PIEZO2: variants seen among roughly 807,000 people sequenced by gnomAD.
PIEZO2 encodes the protein piezo type mechanosensitive ion channel component 2.
In PIEZO2, 172 loss-of-function variants were observed where a neutral mutation model predicts 337.3. That is an observed-to-expected ratio of 0.51 (90% confidence interval 0.45 to 0.58). The LOEUF is 0.58. PIEZO2 is among the 20% of genes least tolerant of loss of function. The pLI is 0.00. For synonymous variants in PIEZO2, 1,251 were observed against 1,228.5 expected (o/e 1.02, Z -0.38); for missense variants, 3,028 against 3,391.3 (o/e 0.89, Z 2.66).
At chr18:10,776,270 C>G (rs976193077) in intron 18 of PIEZO2, among the ~76,000 whole-genome samples, 8 of 152,056 alleles carry the variant, frequency 5.3e-5, no homozygotes, top group Admixed American at 1.3e-4. Flanking sequence ...TTAGCTGAAA[C>G]AGTAGTGCCT....
chr18:10,926,020 T>C (rs1296029790), intron 3 of PIEZO2, among the ~76,000 whole-genome samples: 1 of 152,222 alleles, frequency 6.6e-6, no homozygotes, highest in Admixed American at 6.5e-5. Context: ...AAATATTAAT[T>C]CTTCATTTAA....
In PIEZO2 at chr18:10,912,208, A is replaced by G. The variant is rs537100338; in HGVS notation, c.287-980T>C. Among the ~76,000 whole-genome samples, 392 of 152,244 alleles carry G rather than the reference A, an allele frequency of 2.6e-3. 2 individuals carry two copies. The highest frequency in any genetic ancestry group is 8.1e-3 in the African/African-American group (335 of 41,568). On this transcript the variant is annotated intron_variant, in intron 3 of 55. Transcript: ENST00000674853. ...TTTTTCTATGTAATATTTCTTCCCTATGTCACAGGCATATAATAATTTTCT... is the reference window on the plus strand; with the variant it reads ...TTTTTCTATGTAATATTTCTTCCCTGTGTCACAGGCATATAATAATTTTCT...
At chr18:10,849,318 C>T (rs539691907) in intron 7 of PIEZO2, among the ~76,000 whole-genome samples, 1 of 152,308 alleles carries the variant, frequency 6.6e-6, no homozygotes, top group African/African-American at 2.4e-5. Context: ...GGCCCCTCTC[C>T]CAATCCAGAA....
chr18:10,688,686 A>G (rs1399839880), intron 49 of PIEZO2, among the ~76,000 whole-genome samples: 1 of 152,148 alleles, frequency 6.6e-6, no homozygotes, highest in Non-Finnish European at 1.5e-5. Context: ...ATTGTTAAAA[A>G]CATCTACTTT....
chr18:10,956,492 A>G (rs1378107152), intron 3 of PIEZO2, among the ~76,000 whole-genome samples: 2 of 152,160 alleles, frequency 1.3e-5, no homozygotes, highest in African/African-American at 4.8e-5. Context: ...CCCTCTCAAA[A>G]TTCCAATGTC....
intron 2 of PIEZO2, among the ~76,000 whole-genome samples, chr18:10,996,203 G>A (rs2035313989): frequency 6.6e-6 from 1 of 152,132 alleles, no homozygotes; most frequent in African/African-American, 2.4e-5. Context: ...CGTAGTGTTT[G>A]TTGCTTTCAC....
intron 36 of PIEZO2, among the ~76,000 whole-genome samples, chr18:10,728,980 A>C (rs1273154003): frequency 2.1e-5 from 3 of 143,568 alleles, no homozygotes; most frequent in African/African-American, 7.7e-5. Context: ...AAAAACAAAA[A>C]CCAATAAAGG....
intron 52 of PIEZO2, among the ~76,000 whole-genome samples, chr18:10,678,869 G>A (rs2034134110): frequency 6.6e-6 from 1 of 152,084 alleles, no homozygotes; most frequent in Non-Finnish European, 1.5e-5. Flanking sequence ...AAGGGGGTCA[G>A]GTAGGGCTTC....
At chr18:10,880,854 T>TC (rs2042394273) in intron 4 of PIEZO2, among the ~76,000 whole-genome samples, 1 of 16,678 alleles carries the variant, frequency 6.0e-5, no homozygotes, top group Non-Finnish European at 1.4e-4. Context: ...ATCATATATA[T>TC]ATATATATAT....
chr18:10,911,979 G>A (rs2030523094), intron 3 of PIEZO2, among the ~76,000 whole-genome samples: 1 of 152,112 alleles, frequency 6.6e-6, no homozygotes, highest in Admixed American at 6.5e-5. Context: ...AATCTGGAAA[G>A]CCAGGTGACA....
At position 10,682,888 on chromosome 18, in the gene PIEZO2, C is replaced by G. The variant is rs1211412803; in HGVS notation, c.7498-596G>C. On this transcript the variant is annotated intron_variant, in intron 49 of 55. Coordinates refer to ENST00000674853, the MANE Select transcript of PIEZO2 (RefSeq NM_001378183.1). This position sits in a 1 kb window ranked among gnomAD's most constrained non-coding sequence, Gnocchi z 5.6. Reference sequence around the variant, plus strand: ...GGCAGGTGCGTGTTGCAGGGGCTCACTCTCCTACAGGAGCCTGTGCACCAG... The same window carrying G: ...GGCAGGTGCGTGTTGCAGGGGCTCAGTCTCCTACAGGAGCCTGTGCACCAG... 6.6e-6 allele frequency among the ~76,000 whole-genome samples: 1 copy of G among 152,192 alleles called. No homozygotes were observed. The highest frequency in any genetic ancestry group is 2.4e-5 in the African/African-American group (1 of 41,456).
intron 1 of PIEZO2, among the ~76,000 whole-genome samples, chr18:11,121,698 A>C (rs894375606): frequency 3.9e-5 from 6 of 152,190 alleles, no homozygotes; most frequent in Admixed American, 3.9e-4. Flanking sequence ...ATTCCAAAAG[A>C]TTTCAGTCTG....
At chr18:10,805,441 A>G (rs541989939) in intron 8 of PIEZO2, among the ~76,000 whole-genome samples, 65 of 152,312 alleles carry the variant, frequency 4.3e-4, no homozygotes, top group African/African-American at 1.4e-3. Context: ...GCTTGAACCC[A>G]GGAGGCAGAG....
At position 10,846,017 on chromosome 18, in the gene PIEZO2, T is replaced by C. The variant is rs1186964424; in HGVS notation, c.917+9336A>G. Among the ~76,000 whole-genome samples the C allele has an allele frequency of 2.0e-5, 3 of 152,204 alleles. No homozygotes were observed. The highest frequency in any genetic ancestry group is 2.9e-5 in the Non-Finnish European group (2 of 68,038). Reference sequence around the variant, plus strand: ...AGGCAGTGGGAGTGCCGTGGGTGTATGAAGATTGATGATGACCTTTCTGGA... The same window carrying C: ...AGGCAGTGGGAGTGCCGTGGGTGTACGAAGATTGATGATGACCTTTCTGGA... On this transcript the variant is annotated intron_variant, in intron 7 of 55. Coordinates refer to ENST00000674853, the MANE Select transcript of PIEZO2 (RefSeq NM_001378183.1). The surrounding 1 kb of genome is among the most constrained non-coding windows in gnomAD (Gnocchi z 4.1).
chr18:11,045,842 A>C (rs1327700941), intron 2 of PIEZO2, among the ~76,000 whole-genome samples: 1 of 152,228 alleles, frequency 6.6e-6, no homozygotes, highest in African/African-American at 2.4e-5. Flanking sequence ...CCAACTAGAC[A>C]GTCCATTTCT....
chr18:10,812,572 G>A (rs905407252), intron 7 of PIEZO2, among the ~76,000 whole-genome samples: 1 of 152,030 alleles, frequency 6.6e-6, no homozygotes, highest in African/African-American at 2.4e-5. Flanking sequence ...AGAGGACATC[G>A]CGACATCAGG....
intron 2 of PIEZO2, among the ~76,000 whole-genome samples, chr18:11,005,357 T>C (rs2035680862): frequency 6.6e-6 from 1 of 152,250 alleles, no homozygotes; most frequent in Non-Finnish European, 1.5e-5. Context: ...AATATAACTT[T>C]GCGTTTGTCT....
At chr18:10,760,057 G>T in intron 24 of PIEZO2, 148 bp from the exon 25 acceptor site, 1 of 717,498 alleles carries the variant, frequency 1.4e-6, no homozygotes, top group Non-Finnish European at 2.3e-6. Flanking sequence ...TTGCTCTTTT[G>T]AGTGTCTCAG....
Position 10,903,894 on chromosome 18 carries a change from T to C in PIEZO2, c.329+7292A>G, listed in dbSNP as rs1370747246. ...AACTCCCATCCCTGTCCCCCAACTA[T>C]GCAGCCAGGCCTTGCCTCAACCTCA... is the stretch of plus-strand genomic sequence containing the variant. On this transcript the variant is annotated intron_variant, in intron 4 of 55. Transcript: ENST00000674853. The surrounding 1 kb of genome is among the most constrained non-coding windows in gnomAD (Gnocchi z 4.1). Among the ~76,000 whole-genome samples the C allele has an allele frequency of 1.3e-5, 2 of 152,166 alleles. No individual in the cohort carries two copies. The highest frequency in any genetic ancestry group is 2.9e-5 in the Non-Finnish European group (2 of 68,014).
Sources: gnomAD v4.1 joint callset for allele counts (sites outside exome capture counted in the v4.1 genomes callset) on GRCh38, gnomAD v4.1.1 for gene constraint, Gnocchi (gnomAD v3.1) non-coding constraint, MANE v1.5 for transcripts, NCBI Gene and HGNC (gene_info 2026-07-23, HGNC 2026-07-21) for gene names.